The following ICE2 variants were observed in gnomAD, a reference collection of about 807,000 sequenced individuals.
ICE2 encodes interactor of little elongation complex ELL subunit 2.
Under a neutral mutation model 105.4 loss-of-function variants are expected in ICE2, and 87 were observed. That is an observed-to-expected ratio of 0.83 (90% CI 0.69 to 0.99). ICE2 has a LOEUF of 0.99. Among genes scored for constraint, ICE2 ranks in the 50% least tolerant of loss-of-function variants. The pLI is 0.00. For missense variants in ICE2, 1,323 were observed against 1,146.7 expected, an observed-to-expected ratio of 1.15 and a Z score of -2.22; for synonymous variants, 399 against 392.0, an observed-to-expected ratio of 1.02 and a Z score of -0.21.
chr15:60,447,754 C>T, intron 11 of ICE2: 1 of 401,526 alleles, frequency 2.5e-6, no homozygotes, highest in South Asian at 4.6e-5. Context: ...ATATTCCAAG[C>T]ATGAATGTTA....
intron 5 of ICE2, among the ~76,000 whole-genome samples, chr15:60,459,167 T>A (rs1375615147): frequency 6.6e-6 from 1 of 152,118 alleles, no homozygotes; most frequent in African/African-American, 2.4e-5. Flanking sequence ...GGTTGAGAAT[T>A]CTCCAGAACT....
At chr15:60,441,181 T>C (rs1052242059) in intron 12 of ICE2, 30 of 152,212 alleles carry the variant, frequency 2.0e-4, no homozygotes, top group Admixed American at 5.2e-4. Flanking sequence ...TGGAGGAACA[T>C]TGAAATTTTG....
At chr15:60,434,736 T>C (rs1409942150) in intron 13 of ICE2, among the ~76,000 whole-genome samples, 3 of 152,144 alleles carry the variant, frequency 2.0e-5, no homozygotes, top group African/African-American at 7.2e-5. Context: ...AGATACAGAA[T>C]AGCGGTTACA....
Position 60,423,775 on chromosome 15 carries a change from G to A in ICE2, c.2821-13C>T, listed in dbSNP as rs1450402664. On this transcript the variant is annotated splice_polypyrimidine_tract_variant and intron_variant, in intron 15 of 15. Transcript: ENST00000261520. The stretch of plus-strand genomic sequence containing the variant: ...TCGTTCCACCAATCTAAGAGATGAA[G>A]CAGAGAACAGAATAGCTTAATGTAT... 33 of 1,570,342 alleles carry A rather than the reference G, an allele frequency of 2.1e-5. No individual in the cohort carries two copies. Among genetic ancestry groups the A allele is most frequent in the South Asian group, 3.6e-5 (3 of 82,458 alleles).
intron 3 of ICE2, among the ~76,000 whole-genome samples, chr15:60,470,428 T>C (rs2141154506): frequency 6.6e-6 from 1 of 152,218 alleles, no homozygotes; most frequent in African/African-American, 2.4e-5. Flanking sequence ...TCTGGAAGCC[T>C]GTAGGTGTAT....
chr15:60,421,807 G>T lies in ICE2; in HGVS notation c.*1827C>A, dbSNP rs1384655193. On this transcript the variant is annotated 3_prime_UTR_variant, in exon 16 of 16. Coordinates refer to ENST00000261520, the MANE Select transcript of ICE2 (RefSeq NM_024611.6). The stretch of plus-strand genomic sequence containing the variant: ...ACTCAGTGTTTTATAAAAGGGAATG[G>T]CAGGATGAGGAAATGATTTATCAAG... The T allele has an allele frequency of 1.3e-5, 2 of 152,130 alleles. No individual in the cohort carries two copies. The highest frequency in any genetic ancestry group is 2.9e-5 in the Non-Finnish European group (2 of 68,012). The allele number at this position is 152,130 out of a possible 1,614,324, so 9.4% of individuals were successfully genotyped here. A position where few individuals can be genotyped will look rare whatever the true frequency, so the allele number is the denominator to read the frequency against.
intron 5 of ICE2, among the ~76,000 whole-genome samples, chr15:60,458,255 G>C (rs934795389): frequency 2.0e-5 from 3 of 152,012 alleles, no homozygotes; most frequent in Non-Finnish European, 4.4e-5. Context: ...CTGAACACAG[G>C]AAGTTAAAAG....
intron 5 of ICE2, among the ~76,000 whole-genome samples, chr15:60,459,743 T>C (rs2064221708): frequency 6.6e-6 from 1 of 152,150 alleles, no homozygotes; most frequent in Admixed American, 6.5e-5. Flanking sequence ...CTATATTGTT[T>C]GGGAGGCTAG....
chr15:60,453,454 A>C (rs2064015923), intron 9 of ICE2, 149 bp downstream of exon 9: 2 of 1,411,442 alleles, frequency 1.4e-6, no homozygotes, highest in Non-Finnish European at 1.9e-6. Flanking sequence ...TTAGTTGCCT[A>C]AAGTCCAGCT....
At chr15:60,427,413 A>G (rs937373107) in intron 15 of ICE2, among the ~76,000 whole-genome samples, 7 of 152,102 alleles carry the variant, frequency 4.6e-5, no homozygotes, top group Admixed American at 1.3e-4. Flanking sequence ...AGAGAGCAAA[A>G]CTTTTTTCTT....
At chr15:60,445,578 T>A (rs541331766) in intron 11 of ICE2, 1 of 962,844 alleles carries the variant, frequency 1.0e-6, no homozygotes, top group Non-Finnish European at 1.2e-6. Flanking sequence ...ATTTAGACAG[T>A]CTTTAGGGTG....
At position 60,423,576 on chromosome 15, in the gene ICE2, T is replaced by C; in HGVS notation, c.*58A>G. The C allele has an allele frequency of 1.3e-6, 2 of 1,481,482 alleles. No homozygotes were observed. Among genetic ancestry groups the C allele is most frequent in the South Asian group, 2.6e-5 (2 of 75,654 alleles). 91.8% of individuals were successfully genotyped at this position (1,481,482 alleles called of 1,614,324 possible). On this transcript the variant is annotated 3_prime_UTR_variant, in exon 16 of 16. Transcript: ENST00000261520. ...TACTGATTATTTTCCCTCAAACTTA[T>C]CTAAATTAAACACTGTTATAACTGT...
At chr15:60,454,281 T>C (rs189426640) in intron 8 of ICE2, among the ~76,000 whole-genome samples, 78 of 152,342 alleles carry the variant, frequency 5.1e-4, no homozygotes, top group Admixed American at 7.8e-4. Flanking sequence ...ATTAATTTTA[T>C]TGTCAAAAGA....
intron 5 of ICE2, 60 bp from the exon 6 acceptor site, chr15:60,456,854 T>C: frequency 3.6e-6 from 4 of 1,111,844 alleles, no homozygotes; most frequent in Non-Finnish European, 4.9e-6. Flanking sequence ...AAAAAGAAAA[T>C]TTTTAGTTAC....
rs548881183 is a variant in ICE2 at position 60,455,479 on chromosome 15, C to A, written c.667-37G>T. ...AAAAAAATCATTTTATTGCAAAAATCGCAATGTATTTTTTCTAAGAAAAGT... is the reference window on the plus strand; with the variant it reads ...AAAAAAATCATTTTATTGCAAAAATAGCAATGTATTTTTTCTAAGAAAAGT... On this transcript the variant is annotated intron_variant, in intron 6 of 15. Transcript: ENST00000261520. 6.9e-5 allele frequency: 94 copies of A among 1,354,730 alleles called. No individual in the cohort carries two copies. The East Asian group carries it at 2.1e-3, about 30-fold the overall frequency. 83.9% of individuals were successfully genotyped at this position (1,354,730 alleles called of 1,614,324 possible). A position where few individuals can be genotyped will look rare whatever the true frequency, so the allele number is the denominator to read the frequency against.
Position 60,453,611 on chromosome 15 carries a change from C to G in ICE2, c.1117G>C (p.Glu373Gln). 3 of 1,612,880 alleles carry G rather than the reference C, an allele frequency of 1.9e-6. No homozygotes were observed. The highest frequency in any genetic ancestry group is 2.5e-6 in the Non-Finnish European group (3 of 1,179,268). Residue 373 changes from glutamate (E) to glutamine (Q), a missense_variant, in exon 9 of 16, where the codon GAA (glutamate) becomes CAA (glutamine). Glu to Gln is a conservative substitution (Grantham distance 29). Transcript: ENST00000261520. ...AAAAAAGCATTACATACGTCCATTT[C>G]AGATATAAACTCTTCAGGTTTGTCC... The part of the protein sequence containing the change: ...FMDKPEEFIS[E>Q]MDMSCEVNEC...
At chr15:60,430,225 G>C (rs2063426452) in intron 14 of ICE2, among the ~76,000 whole-genome samples, 1 of 152,314 alleles carries the variant, frequency 6.6e-6, no homozygotes. Flanking sequence ...ACTCCAGAGA[G>C]ATGCGACTTA....
intron 10 of ICE2, among the ~76,000 whole-genome samples, chr15:60,448,571 A>G (rs2063878507): frequency 6.6e-6 from 1 of 152,340 alleles, no homozygotes; most frequent in Non-Finnish European, 1.5e-5. Flanking sequence ...GGATGCACTT[A>G]CCCTTCACCA....
At chr15:60,464,900 G>A (rs752110212) in intron 5 of ICE2, among the ~76,000 whole-genome samples, 1 of 152,132 alleles carries the variant, frequency 6.6e-6, no homozygotes, top group Non-Finnish European at 1.5e-5. Context: ...TTATTCAGGA[G>A]GCTGAGCTGG....
Sources: gnomAD v4.1 joint callset for allele counts (sites outside exome capture counted in the v4.1 genomes callset) on GRCh38, gnomAD v4.1.1 for gene constraint, MANE v1.5 for transcripts, NCBI Gene and HGNC (gene_info 2026-07-23, HGNC 2026-07-21) for gene names.